The following CHM variants were observed in gnomAD, a reference collection of about 807,000 sequenced individuals.
CHM encodes CHM Rab escort protein, also known as rab proteins geranylgeranyltransferase component A 1.
Under a neutral mutation model 49.0 loss-of-function variants are expected in CHM, and 10 were observed. The ratio of observed to expected loss-of-function variants is 0.20; its 90% CI spans 0.13 to 0.35. CHM has a LOEUF of 0.35. Among genes scored for constraint, CHM ranks in the 10% least tolerant of loss-of-function variants. The pLI is 1.00. For missense variants in CHM, 455 were observed against 478.4 expected, an observed-to-expected ratio of 0.95 and a Z score of 0.46; for synonymous variants, 184 against 167.5, an observed-to-expected ratio of 1.10 and a Z score of -0.76.
At chrX:85,895,136 GTTT>G (rs527920499) in intron 11 of CHM, among the ~76,000 whole-genome samples, 1 of 82,101 alleles carries the variant, frequency 1.2e-5, no homozygotes. Context: ...GTTTTTTTTT[GTTT>G]TTTTTTTTTT....
Position 85,962,353 on chromosome X carries a change from T to G in CHM, c.702+1312A>C, listed in dbSNP as rs566072711. Among the ~76,000 whole-genome samples the G allele has an allele frequency of 1.1e-4, 12 of 112,254 alleles. No homozygotes were observed. In the South Asian group the frequency reaches 2.6e-3, roughly 24 times the overall value. ...TCAAAGTAGATGGAGGTGGGAGAGA[T>G]AGTACGGAAGTATGAAGTAGAACCA... On this transcript the variant is annotated intron_variant, in intron 5 of 14. Coordinates refer to ENST00000357749, the MANE Select transcript of CHM (RefSeq NM_000390.4).
At chrX:85,919,622 G>A (rs1262588140) in intron 8 of CHM, among the ~76,000 whole-genome samples, 1 of 111,425 alleles carries the variant, frequency 9.0e-6, no homozygotes, top group Non-Finnish European at 1.9e-5. Context: ...TGTAAAGAAT[G>A]TTAAGAACTA....
intron 8 of CHM, among the ~76,000 whole-genome samples, chrX:85,937,188 C>G (rs936087489): frequency 9.4e-6 from 1 of 106,686 alleles, no homozygotes; most frequent in African/African-American, 3.4e-5. Context: ...ATCACTTGAA[C>G]CCGGGAGGCG....
intron 8 of CHM, among the ~76,000 whole-genome samples, chrX:85,914,518 C>T (rs1202315435): frequency 9.0e-6 from 1 of 110,649 alleles, no homozygotes; most frequent in East Asian, 2.9e-4. Flanking sequence ...CATCCACTTG[C>T]AGCCTCCCCT....
At chrX:85,946,356 C>T (rs1238135887) in intron 8 of CHM, among the ~76,000 whole-genome samples, 1 of 112,253 alleles carries the variant, frequency 8.9e-6, no homozygotes, top group African/African-American at 3.2e-5. Flanking sequence ...CAGCCCCTCC[C>T]ATCACAGGTC....
At chrX:85,869,582 C>T (rs910550480) in intron 14 of CHM, among the ~76,000 whole-genome samples, 12 of 111,436 alleles carry the variant, frequency 1.1e-4, no homozygotes, top group African/African-American at 3.9e-4. Flanking sequence ...AGCCCATCTG[C>T]CCTGGCCCTT....
chrX:85,917,534 C>T (rs887142857), intron 8 of CHM, among the ~76,000 whole-genome samples: 3 of 111,531 alleles, frequency 2.7e-5, no homozygotes, highest in Non-Finnish European at 3.8e-5. Context: ...CACACAACCA[C>T]GCTAGCTCTA....
intron 4 of CHM, among the ~76,000 whole-genome samples, chrX:85,964,433 CCTCT>C (rs745879023): frequency 1.8e-5 from 2 of 110,068 alleles, no homozygotes; most frequent in East Asian, 2.9e-4. Context: ...CCTAAATTAC[CCTCT>C]CTGAGACCAC....
Position 85,896,474 on chromosome X carries a change from G to T in CHM, c.1414-2190C>A, listed in dbSNP as rs141694336. Among the ~76,000 whole-genome samples, 1,096 of 111,303 alleles carry T rather than the reference G, an allele frequency of 9.8e-3. 10 individuals are homozygous for T. Among genetic ancestry groups the T allele is most frequent in the African/African-American group, 0.033 (1,017 of 30,610 alleles). ...CCAGAAGTAGGGAACACTGGATGAG[G>T]AGCAGTTTGTGGAGGGAAGATGGTG... On this transcript the variant is annotated intron_variant, in intron 11 of 14. Coordinates refer to ENST00000357749, the MANE Select transcript of CHM (RefSeq NM_000390.4).
chrX:85,947,602 C>T (rs143560770), intron 8 of CHM, among the ~76,000 whole-genome samples: 4,223 of 111,375 alleles, frequency 0.038, 85 homozygotes, highest in South Asian at 0.087. Context: ...TATAAATTAC[C>T]CAGTCTCAGG....
At chrX:85,995,815 T>C (rs924020499) in intron 2 of CHM, among the ~76,000 whole-genome samples, 1 of 111,811 alleles carries the variant, frequency 8.9e-6, no homozygotes, top group African/African-American at 3.2e-5. Flanking sequence ...TTTGAACAAA[T>C]GACAATCACT....
chrX:85,916,871 T>C (rs182783024), intron 8 of CHM, among the ~76,000 whole-genome samples: 37 of 112,434 alleles, frequency 3.3e-4, no homozygotes, highest in African/African-American at 1.1e-3. Flanking sequence ...TCAACCATTA[T>C]GGATGACTGT....
chrX:85,895,472 A>C (rs998529861), intron 11 of CHM, among the ~76,000 whole-genome samples: 2 of 111,278 alleles, frequency 1.8e-5, no homozygotes, highest in Admixed American at 1.9e-4. Flanking sequence ...TAGATCCTAA[A>C]GTTTCAATAC....
At chrX:85,978,114 CAT>C (rs1487134818) in intron 4 of CHM, among the ~76,000 whole-genome samples, 1 of 111,800 alleles carries the variant, frequency 8.9e-6, no homozygotes, top group Non-Finnish European at 1.9e-5. Flanking sequence ...ACCTGTCAAT[CAT>C]ATATCATTTG....
At chrX:86,042,822 C>CA (rs200696825) in intron 1 of CHM, among the ~76,000 whole-genome samples, 1,537 of 104,592 alleles carry the variant, frequency 0.015, 47 homozygotes, top group African/African-American at 0.052. Flanking sequence ...GACCCTGTCT[C>CA]AAAAAAAAAA....
intron 1 of CHM, among the ~76,000 whole-genome samples, chrX:86,040,026 G>A (rs1028158158): frequency 2.7e-5 from 3 of 111,845 alleles, no homozygotes; most frequent in South Asian, 3.8e-4. Context: ...CCTGGATGCC[G>A]GACAAGAGCT....
intron 1 of CHM, among the ~76,000 whole-genome samples, chrX:86,042,880 A>G (rs779601167): frequency 9.0e-6 from 1 of 110,869 alleles, no homozygotes; most frequent in Non-Finnish European, 1.9e-5. Context: ...CACTATTACA[A>G]GAAGAGTACC....
intron 9 of CHM, 98 bp downstream of exon 9, chrX:85,911,157 ATATATG>A (rs1926941667): frequency 4.8e-5 from 2 of 41,748 alleles, no homozygotes; most frequent in African/African-American, 2.5e-4. Flanking sequence ...ATATATATAT[ATATATG>A]TATATATATA....
chrX:86,016,164 C>T (rs972003271), intron 2 of CHM, among the ~76,000 whole-genome samples: 51 of 110,600 alleles, frequency 4.6e-4, no homozygotes, highest in African/African-American at 1.5e-3. Context: ...AGGTGACTCA[C>T]GTGCCGTTAA....
Sources: gnomAD v4.1 joint callset for allele counts (sites outside exome capture counted in the v4.1 genomes callset) on GRCh38, gnomAD v4.1.1 for gene constraint, MANE v1.5 for transcripts, NCBI Gene and HGNC (gene_info 2026-07-23, HGNC 2026-07-21) for gene names.